Variants in COPZ1 observed in about 807,000 individuals in gnomAD.
The protein encoded by COPZ1 is coatomer subunit zeta-1.
A neutral mutation model predicts 31.7 loss-of-function variants in COPZ1; 4 were observed. The observed-to-expected ratio is 0.13, with a 90% CI of 0.06 to 0.29. COPZ1 has a LOEUF of 0.29. Among genes scored for constraint, COPZ1 ranks in the 10% least tolerant of loss-of-function variants. The pLI is 1.00. For missense variants in COPZ1, 156 were observed against 211.5 expected (o/e 0.74, Z 1.63); for synonymous variants, 74 against 79.0 (o/e 0.94, Z 0.33).
In COPZ1 at chr12:54,339,980, CGTGTGTGTGTGT is replaced by C. The variant is rs10522684; in HGVS notation, c.19-538_19-527del. ...TGCATTGAGAACTGGTGTGCCTGTGCGTGTGTGTGTGTGTGTGTGTGTGTGTGTGTGTGTGTG... is the reference window on the plus strand; with the variant it reads ...TGCATTGAGAACTGGTGTGCCTGTGCGTGTGTGTGTGTGTGTGTGTGTGTG... On this transcript the variant is annotated intron_variant, in intron 1 of 8. Transcript: ENST00000262061. Among the ~76,000 whole-genome samples, 627 of 142,162 alleles carry C rather than the reference CGTGTGTGTGTGT, an allele frequency of 4.4e-3. 7 individuals are homozygous for C. The highest frequency in any genetic ancestry group is 0.011 in the African/African-American group (419 of 38,790). 93.3% of individuals were successfully genotyped at this position (142,162 alleles called of 152,430 possible).
At chr12:54,330,550 T>C (rs1953732627) in intron 1 of COPZ1, among the ~76,000 whole-genome samples, 1 of 152,156 alleles carries the variant, frequency 6.6e-6, no homozygotes, top group South Asian at 2.1e-4. Context: ...AGGGGAGCTG[T>C]CACATGGTCA....
At chr12:54,340,320 T>C (rs1307133878) in intron 1 of COPZ1, 1 of 601,232 alleles carries the variant, frequency 1.7e-6, no homozygotes, top group African/African-American at 1.9e-5. Flanking sequence ...ACTGTTTCTC[T>C]GATGGTACTT....
intron 5 of COPZ1, among the ~76,000 whole-genome samples, chr12:54,345,794 A>C (rs1383866138): frequency 6.6e-6 from 1 of 151,966 alleles, no homozygotes; most frequent in Admixed American, 6.6e-5. Context: ...TGTCTCCACT[A>C]AAAATACAAA....
intron 1 of COPZ1, among the ~76,000 whole-genome samples, chr12:54,328,556 C>A (rs1953701813): frequency 6.6e-6 from 1 of 152,198 alleles, no homozygotes; most frequent in Non-Finnish European, 1.5e-5. Flanking sequence ...CAGAGCAAGG[C>A]TCTGTCTCAG....
chr12:54,338,625 T>C (rs1447071450), intron 1 of COPZ1, among the ~76,000 whole-genome samples: 1 of 152,248 alleles, frequency 6.6e-6, no homozygotes, highest in Non-Finnish European at 1.5e-5. Context: ...AAGTAGTCCC[T>C]TAGATGCATA....
intron 5 of COPZ1, chr12:54,346,654 A>G (rs1423638273): frequency 2.8e-6 from 2 of 702,026 alleles, no homozygotes; most frequent in Non-Finnish European, 5.2e-6. Context: ...AGTCGAGTTC[A>G]AGACAAGCTT....
intron 3 of COPZ1, 96 bp downstream of exon 3, chr12:54,342,383 G>A: frequency 1.1e-6 from 1 of 915,590 alleles, no homozygotes; most frequent in Non-Finnish European, 1.8e-6. Context: ...AAATGACTCT[G>A]CCTTTTTCTT....
At chr12:54,339,536 TG>T (rs777150864) in intron 1 of COPZ1, among the ~76,000 whole-genome samples, 1 of 151,952 alleles carries the variant, frequency 6.6e-6, no homozygotes, top group African/African-American at 2.4e-5. Flanking sequence ...TTTGTAGAGA[TG>T]GGGGGTCTCC....
chr12:54,350,132 T>C, intron 8 of COPZ1: 1 of 641,390 alleles, frequency 1.6e-6, no homozygotes, highest in Non-Finnish European at 2.8e-6. Flanking sequence ...TTCCGTTTTC[T>C]ACCCACTTGG....
chr12:54,333,818 T>C (rs1953804147), intron 1 of COPZ1, among the ~76,000 whole-genome samples: 3 of 152,158 alleles, frequency 2.0e-5, no homozygotes, highest in Non-Finnish European at 2.9e-5. Flanking sequence ...TCCCGAGTCA[T>C]GTGTTGAGTT....
chr12:54,350,593 T>C lies in COPZ1; in HGVS notation c.*70T>C, dbSNP rs1954130840. ...ATGTCTGCTGTGAATTTTCATCTAGTTCCCCAATCGATGCTCTCAGGGTCA... is the reference window on the plus strand; with the variant it reads ...ATGTCTGCTGTGAATTTTCATCTAGCTCCCCAATCGATGCTCTCAGGGTCA... On this transcript the variant is annotated 3_prime_UTR_variant, in exon 9 of 9. Transcript: ENST00000262061. 11 of 1,212,258 alleles carry C rather than the reference T, an allele frequency of 9.1e-6. No homozygotes were observed. Among genetic ancestry groups the C allele is most frequent in the Non-Finnish European group, 1.4e-5 (11 of 813,532 alleles). The allele number at this position is 1,212,258 out of a possible 1,614,324, so 75.1% of individuals were successfully genotyped here.
chr12:54,337,953 ATATGTTCTCTC>A (rs1408810437), intron 1 of COPZ1, among the ~76,000 whole-genome samples: 1 of 152,190 alleles, frequency 6.6e-6, no homozygotes, highest in African/African-American at 2.4e-5. Context: ...GAACCCAGGG[ATATGTTCTCTC>A]TTTGCCGGTG....
At chr12:54,336,682 G>C (rs924928054) in intron 1 of COPZ1, among the ~76,000 whole-genome samples, 1 of 151,752 alleles carries the variant, frequency 6.6e-6, no homozygotes, top group African/African-American at 2.4e-5. Flanking sequence ...CTATGCGCTA[G>C]GGGAGAGAGT....
Position 54,325,137 on chromosome 12 carries a change from C to G in COPZ1, c.-27C>G. 1 of 1,560,498 alleles carries G rather than the reference C, an allele frequency of 6.4e-7. No homozygotes were observed. Among genetic ancestry groups the G allele is most frequent in the Non-Finnish European group, 8.7e-7 (1 of 1,152,732 alleles). On this transcript the variant is annotated 5_prime_UTR_variant, in exon 1 of 9. Transcript: ENST00000262061. ...CAGCGGCGGCGTTTCTTTTGCGGCT[C>G]CACGTCGGCACCAGCTGCGGGGCAA...
At chr12:54,342,767 G>C (rs1463884438) in intron 3 of COPZ1, 1 of 174,060 alleles carries the variant, frequency 5.7e-6, no homozygotes, top group Non-Finnish European at 1.2e-5. Context: ...AAAAAGTGCA[G>C]ATCATCTTCT....
chr12:54,326,187 T>A (rs1445548614), intron 1 of COPZ1, among the ~76,000 whole-genome samples: 3 of 145,856 alleles, frequency 2.1e-5, no homozygotes, highest in Admixed American at 7.1e-5. Flanking sequence ...TCGCCCAGGC[T>A]GGAGTGCAGT....
chr12:54,342,214 C>T lies in COPZ1; in HGVS notation c.96C>T (p.Asp32=), dbSNP rs768230114. ...TCTTTCCCTCTGACCAGTACTATGA[C>T]GACACCTACCCCAGTGTCAAGGAGC... ...DGDRLFAKYY[D]DTYPSVKEQK... is the part of the protein sequence containing the mutation. Residue 32 remains aspartate, a synonymous_variant, in exon 3 of 9, where the codon GAC becomes GAT. Transcript: ENST00000262061. The T allele has an allele frequency of 3.3e-5, 53 of 1,612,504 alleles. No homozygotes were observed. The highest frequency in any genetic ancestry group is 1.0e-4 in the Admixed American group (6 of 59,992).
intron 1 of COPZ1, among the ~76,000 whole-genome samples, chr12:54,330,662 G>A (rs1026996374): frequency 2.0e-5 from 3 of 152,164 alleles, no homozygotes; most frequent in African/African-American, 4.8e-5. Context: ...GGTATTTGAC[G>A]GAGCCTAGTG....
intron 1 of COPZ1, among the ~76,000 whole-genome samples, chr12:54,340,000 TG>T (rs1953945658): frequency 6.6e-6 from 1 of 151,692 alleles, no homozygotes. Context: ...TGTGTGTGTG[TG>T]TGTGTGTGTG....
Sources: gnomAD v4.1 joint callset for allele counts (sites outside exome capture counted in the v4.1 genomes callset) on GRCh38, gnomAD v4.1.1 for gene constraint, MANE v1.5 for transcripts, NCBI Gene and HGNC (gene_info 2026-07-23, HGNC 2026-07-21) for gene names.